SEL1L3: variants seen among roughly 807,000 people sequenced by gnomAD.
The protein encoded by SEL1L3 is protein sel-1 homolog 3.
SEL1L3 carries 76 observed loss-of-function variants against 142.8 expected under a neutral mutation model. The ratio of observed to expected loss-of-function variants is 0.53; its 90% CI spans 0.44 to 0.64. The LOEUF (loss-of-function observed/expected upper bound fraction) is 0.64. Ranked by LOEUF, SEL1L3 falls within the 30% of genes least tolerant of loss-of-function variation. The pLI, the probability that SEL1L3 is intolerant of heterozygous loss-of-function variation, is 0.00. For missense variants in SEL1L3, 1,262 were observed against 1,381.7 expected (o/e 0.91, Z 1.37); for synonymous variants, 504 against 519.6 (o/e 0.97, Z 0.41).
At chr4:25,777,602 C>T (rs1719722248) in intron 16 of SEL1L3, 1 of 325,504 alleles carries the variant, frequency 3.1e-6, no homozygotes, top group Non-Finnish European at 6.0e-6. Context: ...ATAAAGCACA[C>T]TTTGACAAAT....
chr4:25,834,474 T>C (rs1385747434), intron 3 of SEL1L3, among the ~76,000 whole-genome samples: 5 of 152,236 alleles, frequency 3.3e-5, no homozygotes, highest in African/African-American at 1.2e-4. Context: ...AAAGTGACAG[T>C]GGCCCCAGGT....
the SEL1L3 span, among the ~76,000 whole-genome samples, chr4:25,722,685 G>A: frequency 1.4e-5 from 2 of 145,910 alleles, no homozygotes; most frequent in African/African-American, 5.3e-5. Context: ...TCCAACTCCT[G>A]GACACAAGCA....
chr4:25,837,423 A>G (rs1029437295), intron 2 of SEL1L3, among the ~76,000 whole-genome samples: 4 of 150,852 alleles, frequency 2.7e-5, no homozygotes, highest in Admixed American at 6.6e-5. Context: ...AGGTTTCTAA[A>G]GTGGAAAGAG....
Position 25,862,697 on chromosome 4 carries a change from G to T in SEL1L3, c.140C>A (p.Ala47Glu). Residue 47 changes from alanine to glutamate, a missense_variant, in exon 1 of 24, where the codon GCG becomes GAG. This residue lies in a region of SEL1L3 where 689 missense variants were observed against 692.8 expected (regional missense o/e 0.99). Coordinates refer to ENST00000399878, the MANE Select transcript of SEL1L3 (RefSeq NM_015187.5). ...CACCAGGTAGCAGAGCAGGAGCAGC[G>T]CGCAGGCAGAGCGGCCGCCGAGGCC... ...PQGLGGRSAC[A>E]LLLLCYLNVV... 1 of 1,303,756 alleles carries T rather than the reference G, an allele frequency of 7.7e-7. No individual in the cohort carries two copies. The highest frequency in any genetic ancestry group is 9.8e-7 in the Non-Finnish European group (1 of 1,023,410). The allele number at this position is 1,303,756 out of a possible 1,614,324, so 80.8% of individuals were successfully genotyped here.
intron 11 of SEL1L3, among the ~76,000 whole-genome samples, chr4:25,795,478 G>A (rs1443568839): frequency 6.6e-6 from 1 of 152,170 alleles, no homozygotes; most frequent in Non-Finnish European, 1.5e-5. Context: ...GTGTGTTGGG[G>A]CCAGAAACAA....
At chr4:25,770,754 A>AAAAAG (rs1194900393) in intron 17 of SEL1L3, among the ~76,000 whole-genome samples, 8 of 150,636 alleles carry the variant, frequency 5.3e-5, no homozygotes, top group South Asian at 2.1e-4. Context: ...AAAAAAAAAA[A>AAAAAG]AAAAGAAAAG....
chr4:25,794,176 G>C (rs925884639), intron 11 of SEL1L3, among the ~76,000 whole-genome samples: 3 of 152,186 alleles, frequency 2.0e-5, no homozygotes, highest in Non-Finnish European at 4.4e-5. Context: ...TAACAAATGG[G>C]ATGAATTAAA....
chr4:25,862,514 A>T (rs1717791368), intron 1 of SEL1L3, among the ~76,000 whole-genome samples, 161 bp downstream of exon 1: 1 of 152,166 alleles, frequency 6.6e-6, no homozygotes, highest in Admixed American at 6.5e-5. Flanking sequence ...CGCCCGGGGT[A>T]CCTATCCCAG....
intron 17 of SEL1L3, among the ~76,000 whole-genome samples, chr4:25,769,851 C>A (rs868500108): frequency 2.3e-4 from 35 of 152,182 alleles, no homozygotes; most frequent in Middle Eastern, 3.4e-3. Flanking sequence ...TCTGGCCAGG[C>A]GTGTGGTTGC....
chr4:25,728,406 A>G, the SEL1L3 span, among the ~76,000 whole-genome samples: 3 of 152,064 alleles, frequency 2.0e-5, no homozygotes, highest in African/African-American at 7.2e-5. Context: ...CCTGGGCACC[A>G]TGGGCCATTC....
chr4:25,767,804 A>G lies in SEL1L3; in HGVS notation c.2696T>C (p.Leu899Ser). The change falls in exon 18 of 24, where the codon TTA becomes TCA. Residue 899 changes from leucine to serine, a missense_variant. Physicochemically the swap from Leu to Ser is moderately radical, Grantham distance 145. Around this residue, in one of 3 missense-constraint regions of SEL1L3, gnomAD observed 435 missense variants for 559.2 expected, o/e 0.78. Transcript: ENST00000399878. ...SWHEALLYYV[L>S]AAETGIEVSQ... The stretch of plus-strand genomic sequence containing the variant: ...CACTTCAATTCCAGTTTCTGCTGCT[A>G]AAACATAATACAGCAAAGCTTCATG... 1 of 1,572,598 alleles carries G rather than the reference A, an allele frequency of 6.4e-7. No individual in the cohort carries two copies. Among genetic ancestry groups the G allele is most frequent in the Non-Finnish European group, 8.6e-7 (1 of 1,156,724 alleles).
At chr4:25,722,624 C>CTTTTTTTTTTTTT in the SEL1L3 span, among the ~76,000 whole-genome samples, 3,978 of 103,052 alleles carry the variant, frequency 0.039, 555 homozygotes, top group African/African-American at 0.14. Context: ...CCAAAGGAGG[C>CTTTTTTTTTTTTT]TTTTTTTTTT....
chr4:25,846,384 G>A (rs567141576), intron 2 of SEL1L3, among the ~76,000 whole-genome samples: 138 of 152,320 alleles, frequency 9.1e-4, no homozygotes, highest in African/African-American at 3.1e-3. Context: ...GATGTGCTGA[G>A]CAATCACATC....
Position 25,862,657 on chromosome 4 carries a change from G to A in SEL1L3, c.162+18C>T, listed in dbSNP as rs1717807363. The A allele has an allele frequency of 1.6e-6, 2 of 1,246,642 alleles. No homozygotes were observed. Among genetic ancestry groups the A allele is most frequent in the Admixed American group, 4.1e-5 (1 of 24,458 alleles). 77.2% of individuals were successfully genotyped at this position (1,246,642 alleles called of 1,614,324 possible). On this transcript the variant is annotated intron_variant, in intron 1 of 23. Coordinates refer to ENST00000399878, the MANE Select transcript of SEL1L3 (RefSeq NM_015187.5). The stretch of plus-strand genomic sequence containing the variant: ...GCCCCGCGCGGAGGGGAAGACCCGG[G>A]CAGGGTCCGGCGCTCACCAGGTAGC...
chr4:25,812,381 A>G (rs1457151811), intron 9 of SEL1L3, among the ~76,000 whole-genome samples: 2 of 152,248 alleles, frequency 1.3e-5, no homozygotes, highest in Non-Finnish European at 2.9e-5. Context: ...ACCATCCTGC[A>G]TAATGACTGT....
chr4:25,793,755 G>T (rs2109199665), intron 11 of SEL1L3, among the ~76,000 whole-genome samples: 1 of 152,114 alleles, frequency 6.6e-6, no homozygotes, highest in East Asian at 1.9e-4. Flanking sequence ...TACATCAAAG[G>T]CACCAACCTA....
intron 1 of SEL1L3, among the ~76,000 whole-genome samples, chr4:25,851,142 T>C (rs930896481): frequency 2.6e-5 from 4 of 152,220 alleles, no homozygotes; most frequent in Non-Finnish European, 2.9e-5. Flanking sequence ...TGAGCCACTG[T>C]GCCCAGCCCA....
chr4:25,776,627 GAAA>G, intron 16 of SEL1L3: 1 of 364,942 alleles, frequency 2.7e-6, no homozygotes, highest in South Asian at 3.2e-5. Context: ...CCACCAATAT[GAAA>G]AAATATAATC....
intron 9 of SEL1L3, among the ~76,000 whole-genome samples, chr4:25,814,151 C>T (rs1280848899): frequency 6.6e-6 from 1 of 151,898 alleles, no homozygotes; most frequent in African/African-American, 2.4e-5. Context: ...TCTCTTGCAC[C>T]ATGGTGTCAT....
Sources: gnomAD v4.1 joint callset for allele counts (sites outside exome capture counted in the v4.1 genomes callset) on GRCh38, gnomAD v4.1.1 for gene constraint, gnomAD v4.1.1 regional missense constraint, MANE v1.5 for transcripts, NCBI Gene and HGNC (gene_info 2026-07-23, HGNC 2026-07-21) for gene names.